The following G3BP2 variants were observed in gnomAD, a reference collection of about 807,000 sequenced individuals.
G3BP2 encodes the protein G3BP stress granule assembly factor 2, also known as ras GTPase-activating protein-binding protein 2.
A neutral mutation model predicts 56.7 loss-of-function variants in G3BP2; 11 were observed. The ratio of observed to expected loss-of-function variants is 0.19; its 90% confidence interval spans 0.12 to 0.32. G3BP2 has a LOEUF of 0.32. Ranked by LOEUF, G3BP2 falls within the 10% of genes least tolerant of loss-of-function variation. The probability of loss-of-function intolerance (pLI) is 1.00; values close to 1 mark genes in which losing one functional copy is unlikely to be tolerated. For synonymous variants in G3BP2, 165 were observed against 191.6 expected, an observed-to-expected ratio of 0.86 and a Z score of 1.15; for missense variants, 340 against 610.9, an observed-to-expected ratio of 0.56 and a Z score of 4.67.
At chr4:75,722,437 C>T (rs1432536249) in intron 1 of G3BP2, among the ~76,000 whole-genome samples, 1 of 152,146 alleles carries the variant, frequency 6.6e-6, no homozygotes, top group Non-Finnish European at 1.5e-5. Context: ...TGTCAAGGCA[C>T]TCTTTTTAAT....
intron 2 of G3BP2, among the ~76,000 whole-genome samples, chr4:75,660,053 T>C (rs899352563): frequency 1.3e-5 from 2 of 152,206 alleles, no homozygotes; most frequent in African/African-American, 4.8e-5. Flanking sequence ...TTACCACAAG[T>C]GGAAAATTAT....
rs1022938056 is a variant in G3BP2 at position 75,673,311 on chromosome 4, A to G, written c.-128T>C. On this transcript the variant is annotated 5_prime_UTR_variant, in exon 1 of 12. Coordinates refer to ENST00000359707, the MANE Select transcript of G3BP2 (RefSeq NM_203505.3). ...TGCTCGCCGCCCCCTTCCTCCGACA[A>G]CTCGGAAGCCTCGGAAGCCGGAGAG... 1.6e-6 allele frequency: 2 copies of G among 1,229,244 alleles called. No homozygotes were observed. The highest frequency in any genetic ancestry group is 2.0e-6 in the Non-Finnish European group (2 of 986,596). The allele number at this position is 1,229,244 out of a possible 1,614,324, so 76.1% of individuals were successfully genotyped here.
intron 2 of G3BP2, chr4:75,661,681 A>AT (rs1283755810): frequency 3.2e-6 from 1 of 311,396 alleles, no homozygotes; most frequent in Non-Finnish European, 6.0e-6. Flanking sequence ...TAGAGTACAT[A>AT]TAAGAATAAG....
At chr4:75,719,115 G>A (rs889395480) in intron 3 of G3BP2, among the ~76,000 whole-genome samples, 2 of 151,970 alleles carry the variant, frequency 1.3e-5, no homozygotes, top group Non-Finnish European at 2.9e-5. Flanking sequence ...TTGGGAGGCC[G>A]AGGCGGGCGG....
At chr4:75,694,870 G>C (rs1719038164) in intron 3 of G3BP2, 2 of 985,540 alleles carry the variant, frequency 2.0e-6, no homozygotes, top group African/African-American at 3.5e-5. Flanking sequence ...ACATCCAGAA[G>C]TAACAGCCGA....
At chr4:75,714,144 T>C (rs1313259604) in intron 3 of G3BP2, among the ~76,000 whole-genome samples, 1 of 152,228 alleles carries the variant, frequency 6.6e-6, no homozygotes, top group East Asian at 1.9e-4. Flanking sequence ...TGCCAAAATT[T>C]GAATAAGGCC....
intron 3 of G3BP2, among the ~76,000 whole-genome samples, chr4:75,712,801 A>C (rs1329158853): frequency 1.3e-5 from 2 of 152,118 alleles, no homozygotes; most frequent in African/African-American, 2.4e-5. Flanking sequence ...GTCTTCATCT[A>C]GTATATAAGA....
At chr4:75,715,921 T>C (rs1017275355) in intron 3 of G3BP2, among the ~76,000 whole-genome samples, 1 of 152,182 alleles carries the variant, frequency 6.6e-6, no homozygotes, top group African/African-American at 2.4e-5. Context: ...ACCCAGATAC[T>C]AGAACGAGAC....
At chr4:75,647,943 A>T (rs1406254746) in intron 9 of G3BP2, among the ~76,000 whole-genome samples, 2 of 152,218 alleles carry the variant, frequency 1.3e-5, no homozygotes, top group Non-Finnish European at 2.9e-5. Flanking sequence ...ACAAGTCAAA[A>T]ATCATGGCAA....
intron 3 of G3BP2, among the ~76,000 whole-genome samples, chr4:75,706,963 C>T (rs1438098338): frequency 2.6e-5 from 4 of 151,882 alleles, no homozygotes; most frequent in African/African-American, 7.2e-5. Flanking sequence ...GAGGCTGAGG[C>T]GGGCGGATCA....
chr4:75,662,218 AT>A (rs1578398881), intron 1 of G3BP2, 169 bp from the exon 2 acceptor site: 7 of 443,050 alleles, frequency 1.6e-5, no homozygotes. Context: ...CTAACCTGAA[AT>A]AATTTTTTTT....
Position 75,722,513 on chromosome 4 carries a change from G to A in G3BP2, c.-165-269C>T, listed in dbSNP as rs572907483. ...GTCTATGAGCCTCATTCCTGATGATGGGGTAGAGTGAGTTTCAGGGACAAG... is the reference window on the plus strand; with the variant it reads ...GTCTATGAGCCTCATTCCTGATGATAGGGTAGAGTGAGTTTCAGGGACAAG... On this transcript the variant is annotated intron_variant, in intron 1 of 3. Coordinates refer to the G3BP2 transcript ENST00000499709. 2.3e-4 allele frequency among the ~76,000 whole-genome samples: 35 copies of A among 152,298 alleles called. 2 individuals are homozygous for A. The South Asian group carries it at 7.2e-3, about 32-fold the overall frequency.
intron 1 of G3BP2, among the ~76,000 whole-genome samples, chr4:75,669,413 T>C (rs1056208644): frequency 1.3e-5 from 2 of 152,178 alleles, no homozygotes; most frequent in African/African-American, 4.8e-5. Context: ...AAGGTGGAAT[T>C]TGTGCCCTCC....
intron 3 of G3BP2, among the ~76,000 whole-genome samples, chr4:75,713,648 G>A (rs1719831572): frequency 6.6e-6 from 1 of 152,090 alleles, no homozygotes; most frequent in South Asian, 2.1e-4. Context: ...CATTAGTCAG[G>A]CATGTTGACA....
chr4:75,662,457 G>T (rs1732641558), intron 1 of G3BP2: 1 of 153,492 alleles, frequency 6.5e-6, no homozygotes, highest in East Asian at 1.9e-4. Flanking sequence ...CCTGACCTCA[G>T]ATGATCCGCC....
At chr4:75,670,332 G>GT (rs1458418155) in intron 1 of G3BP2, 2 of 152,142 alleles carry the variant, frequency 1.3e-5, no homozygotes, top group Non-Finnish European at 2.9e-5. Flanking sequence ...TTTGTTTGAA[G>GT]TAACTTAAAC....
At position 75,711,241 on chromosome 4, in the gene G3BP2, C is replaced by T. The variant is rs765621606; in HGVS notation, c.-25+9636G>A. 2.0e-5 allele frequency among the ~76,000 whole-genome samples: 3 copies of T among 150,912 alleles called. No homozygotes were observed. In the South Asian group the frequency reaches 6.3e-4, roughly 32 times the overall value. ...GGCTGAGGTGGGAGAATCTCTTGAA[C>T]CCAGGAGACAGTGGTTGCAGTGAGC... On this transcript the variant is annotated intron_variant, in intron 3 of 3. Transcript: ENST00000499709.
chr4:75,671,114 G>A (rs1733450623), intron 1 of G3BP2, among the ~76,000 whole-genome samples: 1 of 152,146 alleles, frequency 6.6e-6, no homozygotes, highest in Admixed American at 6.5e-5. Flanking sequence ...CTGAAGGTGG[G>A]TGGACCAATT....
At chr4:75,699,839 A>G (rs1719268682) in intron 3 of G3BP2, among the ~76,000 whole-genome samples, 1 of 152,186 alleles carries the variant, frequency 6.6e-6, no homozygotes, top group African/African-American at 2.4e-5. Flanking sequence ...TCATTTTAAC[A>G]CATGCTCATA....
Sources: gnomAD v4.1 joint callset for allele counts (sites outside exome capture counted in the v4.1 genomes callset) on GRCh38, gnomAD v4.1.1 for gene constraint, MANE v1.5 for transcripts, NCBI Gene and HGNC (gene_info 2026-07-23, HGNC 2026-07-21) for gene names.